The following ABCC1 variants were observed in gnomAD, a reference collection of about 807,000 sequenced individuals.
The protein encoded by ABCC1 is ATP binding cassette subfamily C member 1 (ABCC1 blood group), also known as multidrug resistance-associated protein 1.
ABCC1 carries 83 observed loss-of-function variants against 172.9 expected under a neutral mutation model. That is an observed-to-expected ratio of 0.48 (90% CI 0.40 to 0.58). The LOEUF is 0.58. ABCC1 is among the 20% of genes least tolerant of loss of function. The pLI, the probability that ABCC1 is intolerant of heterozygous loss-of-function variation, is 0.00. For missense variants in ABCC1, 1,817 were observed against 2,002.7 expected (o/e 0.91, Z 1.77); for synonymous variants, 937 against 825.2 (o/e 1.14, Z -2.32).
At chr16:16,057,380 A>AT (rs2049707721) in intron 12 of ABCC1, among the ~76,000 whole-genome samples, 1 of 151,570 alleles carries the variant, frequency 6.6e-6, no homozygotes, top group Middle Eastern at 3.4e-3. Flanking sequence ...AAAAAAAAAA[A>AT]ATAAGTAAAA....
chr16:16,008,020 G>A, intron 2 of ABCC1, 28 bp downstream of exon 2: 2 of 501,490 alleles, frequency 4.0e-6, no homozygotes, highest in Non-Finnish European at 7.2e-6. Flanking sequence ...TTCGTTGTGG[G>A]GGGTGGGAAG....
chr16:16,094,814 C>CTT lies in ABCC1; in HGVS notation c.2644+4247_2644+4248dup, dbSNP rs895974418. Among the ~76,000 whole-genome samples, 190 of 120,608 alleles carry CTT rather than the reference C, an allele frequency of 1.6e-3. 3 individuals are homozygous for CTT. Among genetic ancestry groups the CTT allele is most frequent in the African/African-American group, 4.5e-3 (127 of 27,994 alleles). The allele number at this position is 120,608 out of a possible 152,430, so 79.1% of individuals were successfully genotyped here. A position where few individuals can be genotyped will look rare whatever the true frequency, so the allele number is the denominator to read the frequency against. On this transcript the variant is annotated intron_variant, in intron 19 of 30. Transcript: ENST00000399410. ...ACAGGCGTGAGCCACTGCGCCTGGC[C>CTT]TTTTTTTTTTTTTTTTTTTTTTGAT...
chr16:16,098,598 T>G, intron 19 of ABCC1, among the ~76,000 whole-genome samples: 1 of 152,174 alleles, frequency 6.6e-6, no homozygotes, highest in Non-Finnish European at 1.5e-5. Flanking sequence ...CAGCCTGGGC[T>G]AAAGAGTGAA....
intron 1 of ABCC1, among the ~76,000 whole-genome samples, chr16:15,966,142 C>T (rs1175931513): frequency 3.3e-5 from 5 of 151,890 alleles, no homozygotes; most frequent in East Asian, 3.9e-4. Context: ...CAGCAGGGCG[C>T]GGTGGCTCAC....
At chr16:16,054,568 G>A (rs1325466388) in intron 11 of ABCC1, among the ~76,000 whole-genome samples, 1 of 151,936 alleles carries the variant, frequency 6.6e-6, no homozygotes, top group Non-Finnish European at 1.5e-5. Flanking sequence ...CAGGACATGG[G>A]CCTGTTGGAA....
chr16:16,017,319 C>A (rs2048037332), intron 5 of ABCC1, among the ~76,000 whole-genome samples: 1 of 151,360 alleles, frequency 6.6e-6, no homozygotes, highest in African/African-American at 2.4e-5. Flanking sequence ...TAGTCTTGAC[C>A]TCCTGGGCTC....
At chr16:16,132,891 C>CT (rs1567441927) in intron 27 of ABCC1, among the ~76,000 whole-genome samples, 2 of 152,022 alleles carry the variant, frequency 1.3e-5, no homozygotes, top group African/African-American at 4.8e-5. Flanking sequence ...TTATTTTCTG[C>CT]TTTTTTTGGA....
intron 1 of ABCC1, among the ~76,000 whole-genome samples, chr16:15,969,199 G>C (rs1354625888): frequency 6.6e-6 from 1 of 152,140 alleles, no homozygotes; most frequent in Non-Finnish European, 1.5e-5. Flanking sequence ...GCAAGACTCT[G>C]TCTCAGAAAA....
intron 26 of ABCC1, among the ~76,000 whole-genome samples, chr16:16,126,913 T>C (rs2045465360): frequency 6.6e-6 from 1 of 152,110 alleles, no homozygotes; most frequent in Non-Finnish European, 1.5e-5. Context: ...AGTCCCCTTT[T>C]TATAGATGGA....
At chr16:16,091,189 G>A (rs1050225325) in intron 19 of ABCC1, among the ~76,000 whole-genome samples, 2 of 152,174 alleles carry the variant, frequency 1.3e-5, no homozygotes, top group East Asian at 3.9e-4. Flanking sequence ...AACACATAGA[G>A]AGGCTGAGGT....
intron 20 of ABCC1, among the ~76,000 whole-genome samples, chr16:16,104,723 C>T (rs887721096): frequency 6.6e-6 from 1 of 152,170 alleles, no homozygotes; most frequent in African/African-American, 2.4e-5. Flanking sequence ...GCAGGGGCGG[C>T]ACTCGTCCGG....
intron 1 of ABCC1, among the ~76,000 whole-genome samples, chr16:15,982,816 A>AAAAAAAAAAC (rs2046654786): frequency 6.7e-6 from 1 of 149,544 alleles, no homozygotes; most frequent in Non-Finnish European, 1.5e-5. Flanking sequence ...AAAAAAAAAA[A>AAAAAAAAAAC]AAAAAAAAGG....
intron 1 of ABCC1, among the ~76,000 whole-genome samples, chr16:15,993,227 TGATA>T (rs1257870943): frequency 2.0e-5 from 3 of 152,174 alleles, no homozygotes; most frequent in Non-Finnish European, 2.9e-5. Flanking sequence ...AGTCATCGAA[TGATA>T]GATTGAATGA....
intron 20 of ABCC1, 107 bp downstream of exon 20, chr16:16,102,824 G>C (rs1469054840): frequency 9.3e-7 from 1 of 1,075,288 alleles, no homozygotes; most frequent in African/African-American, 1.6e-5. Context: ...TGGAAGGCCT[G>C]GGCTTTTACC....
chr16:16,141,353 C>T lies in ABCC1; in HGVS notation c.*72C>T. Reference sequence around the variant, plus strand: ...AGCGCCCAGGGAGGAGTCAGTACCCCTGGTAAACCAAGCCTCCCACACTGA... The same window carrying T: ...AGCGCCCAGGGAGGAGTCAGTACCCTTGGTAAACCAAGCCTCCCACACTGA... On this transcript the variant is annotated 3_prime_UTR_variant, in exon 31 of 31. Transcript: ENST00000399410. 7.1e-7 allele frequency: 1 copy of T among 1,415,222 alleles called. No homozygotes were observed. The highest frequency in any genetic ancestry group is 1.9e-5 in the Admixed American group (1 of 53,836). 87.7% of individuals were successfully genotyped at this position (1,415,222 alleles called of 1,614,324 possible).
chr16:16,033,246 C>T, intron 6 of ABCC1, 76 bp downstream of exon 6: 1 of 1,405,910 alleles, frequency 7.1e-7, no homozygotes, highest in Non-Finnish European at 1.0e-6. Flanking sequence ...TGAACATGCT[C>T]AGCTCCCCCT....
At chr16:15,994,575 C>T (rs1163995855) in intron 1 of ABCC1, among the ~76,000 whole-genome samples, 5 of 152,014 alleles carry the variant, frequency 3.3e-5, no homozygotes, top group Admixed American at 2.0e-4. Flanking sequence ...AATGTCCTAC[C>T]CTTCAATTCC....
chr16:15,955,763 G>A (rs948919352), intron 1 of ABCC1, among the ~76,000 whole-genome samples: 3 of 151,972 alleles, frequency 2.0e-5, no homozygotes, highest in South Asian at 4.1e-4. Context: ...TCTAATACAC[G>A]TAATATTTTG....
intron 11 of ABCC1, among the ~76,000 whole-genome samples, chr16:16,054,634 T>C (rs1310507208): frequency 1.3e-5 from 2 of 152,016 alleles, no homozygotes; most frequent in African/African-American, 4.8e-5. Flanking sequence ...GGCTTTAGGA[T>C]TGAGTCACCC....
Sources: allele counts gnomAD v4.1 joint callset (sites outside exome capture counted in the v4.1 genomes callset), GRCh38; gene constraint gnomAD v4.1.1; transcripts MANE v1.5; gene names NCBI Gene and HGNC (gene_info 2026-07-23, HGNC 2026-07-21).